ACYP2: variants seen among roughly 807,000 people sequenced by gnomAD.
The protein encoded by ACYP2 is acylphosphatase 2.
In ACYP2, 12 loss-of-function variants were observed where a neutral mutation model predicts 11.2. That is an observed-to-expected ratio of 1.08 (90% CI 0.69 to 1.74). The LOEUF is 1.74. Ranked by LOEUF, ACYP2 falls within the 40% of genes most tolerant of loss-of-function variation. ACYP2 has a pLI of 0.00. For synonymous variants in ACYP2, 43 were observed against 32.2 expected (o/e 1.33, Z -1.13); for missense variants, 134 against 101.9 (o/e 1.31, Z -1.35).
At chr2:54,078,626 G>T (rs1677476603) in intron 4 of ACYP2, among the ~76,000 whole-genome samples, 2 of 147,020 alleles carry the variant, frequency 1.4e-5, no homozygotes. Flanking sequence ...TTGAGATGGA[G>T]TCTTACTCTG....
Position 54,304,672 on chromosome 2 carries a change from ATC to A in ACYP2, c.405-14_405-13del. 1 of 1,570,862 alleles carries A rather than the reference ATC, an allele frequency of 6.4e-7. No individual in the cohort carries two copies. Among genetic ancestry groups the A allele is most frequent in the Non-Finnish European group, 8.7e-7 (1 of 1,146,350 alleles). On this transcript the variant is annotated splice_polypyrimidine_tract_variant and intron_variant, in intron 6 of 6. Transcript: ENST00000607452. The stretch of plus-strand genomic sequence containing the variant: ...CTTTGTATGCTAATTTTATTTATTT[ATC>A]TGTTTTTTTATAGGAAGTCCTGGCT...
chr2:54,014,073 G>A (rs10186566), intron 2 of ACYP2, among the ~76,000 whole-genome samples: 68,914 of 151,672 alleles, frequency 0.45, 15,853 homozygotes, highest in South Asian at 0.54. Flanking sequence ...CAGGGGAATC[G>A]CTTGAACCTG....
intron 2 of ACYP2, among the ~76,000 whole-genome samples, chr2:54,041,965 A>G (rs1010290515): frequency 2.7e-5 from 4 of 145,806 alleles, no homozygotes; most frequent in African/African-American, 1.0e-4. Context: ...TCTGGAATTC[A>G]TTTTCTGTCT....
chr2:54,061,747 A>C (rs370073813), intron 4 of ACYP2, among the ~76,000 whole-genome samples: 74 of 152,252 alleles, frequency 4.9e-4, no homozygotes, highest in South Asian at 2.1e-3. Flanking sequence ...CAACACATTT[A>C]TTTTCTTATA....
At chr2:54,289,408 A>C (rs964453278) in intron 6 of ACYP2, among the ~76,000 whole-genome samples, 6 of 152,008 alleles carry the variant, frequency 3.9e-5, no homozygotes, top group African/African-American at 1.2e-4. Flanking sequence ...TTCTACACCC[A>C]ATTTTAGTTT....
intron 5 of ACYP2, among the ~76,000 whole-genome samples, chr2:54,137,121 A>C (rs115272796): frequency 0.016 from 2,411 of 152,136 alleles, 56 homozygotes; most frequent in African/African-American, 0.049. Flanking sequence ...AAGACTATTA[A>C]TAATAATAGG....
intron 2 of ACYP2, among the ~76,000 whole-genome samples, chr2:53,990,243 T>C (rs1672223026): frequency 6.6e-6 from 1 of 152,060 alleles, no homozygotes. Flanking sequence ...CCTCTCAAAG[T>C]GTTGTGATTA....
At chr2:54,176,776 C>G (rs1254973763) in intron 6 of ACYP2, among the ~76,000 whole-genome samples, 1 of 152,128 alleles carries the variant, frequency 6.6e-6, no homozygotes. Context: ...CTCAGGGGGG[C>G]AGCCTGCATC....
intron 6 of ACYP2, among the ~76,000 whole-genome samples, chr2:54,141,021 AT>A (rs1201311603): frequency 6.6e-6 from 1 of 151,978 alleles, no homozygotes; most frequent in Non-Finnish European, 1.5e-5. Flanking sequence ...AGTGATTATT[AT>A]TTTTTGCTGT....
intron 2 of ACYP2, among the ~76,000 whole-genome samples, chr2:54,013,063 A>G (rs1023378320): frequency 1.3e-5 from 2 of 152,038 alleles, no homozygotes; most frequent in Admixed American, 1.3e-4. Flanking sequence ...ATCTGCATGC[A>G]TGACACGGTC....
At chr2:54,063,268 G>A (rs1676563252) in intron 4 of ACYP2, among the ~76,000 whole-genome samples, 1 of 152,116 alleles carries the variant, frequency 6.6e-6, no homozygotes, top group South Asian at 2.1e-4. Flanking sequence ...TTACAGGTGT[G>A]AGCCACTGCA....
chr2:54,216,213 A>ATT (rs1558619680), intron 6 of ACYP2, among the ~76,000 whole-genome samples: 1 of 152,170 alleles, frequency 6.6e-6, no homozygotes, highest in Non-Finnish European at 1.5e-5. Flanking sequence ...AAACTTTTAT[A>ATT]TTTAGTTCTA....
intron 4 of ACYP2, among the ~76,000 whole-genome samples, chr2:54,103,042 G>C (rs1459394376): frequency 6.6e-6 from 1 of 152,190 alleles, no homozygotes; most frequent in Non-Finnish European, 1.5e-5. Flanking sequence ...TGCCACCCCT[G>C]CACAAGGGTA....
chr2:53,981,147 A>G (rs1671741866), intron 2 of ACYP2, among the ~76,000 whole-genome samples: 1 of 152,190 alleles, frequency 6.6e-6, no homozygotes, highest in Admixed American at 6.5e-5. Flanking sequence ...AATTGCCTGT[A>G]GTATTCAGTA....
chr2:54,112,343 C>A (rs1470824344), intron 4 of ACYP2, among the ~76,000 whole-genome samples: 3 of 152,122 alleles, frequency 2.0e-5, no homozygotes, highest in Admixed American at 6.5e-5. Context: ...ATGCATTGTA[C>A]GTGAAGGACC....
chr2:54,288,754 T>C (rs1309554603), intron 6 of ACYP2, among the ~76,000 whole-genome samples: 1 of 152,008 alleles, frequency 6.6e-6, no homozygotes, highest in Non-Finnish European at 1.5e-5. Flanking sequence ...AGAAAGCTGC[T>C]AACTAGTTTT....
At chr2:54,254,403 A>C in intron 6 of ACYP2, 1 of 153,964 alleles carries the variant, frequency 6.5e-6, no homozygotes, top group Non-Finnish European at 1.4e-5. Context: ...AGGCAGCAAT[A>C]GGTGACCAGT....
chr2:54,078,571 A>G (rs1282093782), intron 4 of ACYP2, among the ~76,000 whole-genome samples: 1 of 149,250 alleles, frequency 6.7e-6, no homozygotes, highest in African/African-American at 2.5e-5. Flanking sequence ...ACATTTTATT[A>G]TTTTAATTTT....
intron 6 of ACYP2, among the ~76,000 whole-genome samples, chr2:54,158,395 G>A (rs564772798): frequency 6.6e-5 from 10 of 151,514 alleles, no homozygotes; most frequent in African/African-American, 2.2e-4. Context: ...TTGTAGAGAC[G>A]GGGTCTCACT....
Sources: allele counts gnomAD v4.1 joint callset (sites outside exome capture counted in the v4.1 genomes callset), GRCh38; gene constraint gnomAD v4.1.1; transcripts MANE v1.5; gene names NCBI Gene and HGNC (gene_info 2026-07-23, HGNC 2026-07-21).